The following NEDD4L variants were observed in gnomAD, a reference collection of about 807,000 sequenced individuals.
NEDD4L encodes NEDD4 like E3 ubiquitin protein ligase.
A neutral mutation model predicts 148.9 loss-of-function variants in NEDD4L; 54 were observed. The ratio of observed to expected loss-of-function variants is 0.36; its 90% CI spans 0.29 to 0.45. NEDD4L has a LOEUF of 0.45. Ranked by LOEUF, NEDD4L falls within the 20% of genes least tolerant of loss-of-function variation. The pLI is 1.00. For synonymous variants in NEDD4L, 433 were observed against 440.7 expected (o/e 0.98, Z 0.22); for missense variants, 856 against 1,233.8 (o/e 0.69, Z 4.59).
chr18:58,054,523 C>T (rs988444603), intron 1 of NEDD4L, among the ~76,000 whole-genome samples: 8 of 152,122 alleles, frequency 5.3e-5, no homozygotes, highest in Admixed American at 2.0e-4. Context: ...ATTTGAGCAC[C>T]GGGGTTCAGG....
intron 5 of NEDD4L, among the ~76,000 whole-genome samples, chr18:58,300,550 C>T (rs1465317916): frequency 6.6e-6 from 1 of 152,198 alleles, no homozygotes; most frequent in Non-Finnish European, 1.5e-5. Context: ...AGGAATAGAG[C>T]GAAAGACAGA....
rs189614224 is a variant in NEDD4L at position 58,334,010 on chromosome 18, T to C, written c.1065+118T>C. 31 of 594,304 alleles carry C rather than the reference T, an allele frequency of 5.2e-5. No homozygotes were observed. In the Admixed American group the frequency reaches 7.7e-4, roughly 15 times the overall value. The allele number at this position is 594,304 out of a possible 1,614,324, so 36.8% of individuals were successfully genotyped here. A position where few individuals can be genotyped will look rare whatever the true frequency, so the allele number is the denominator to read the frequency against. ...ATTTATTTACAATATAAATGAGATG[T>C]TTTTAAATTTCCTGGCCAATTGCCC... On this transcript the variant is annotated intron_variant, in intron 12 of 30. Coordinates refer to ENST00000400345, the MANE Select transcript of NEDD4L (RefSeq NM_001144967.3).
At chr18:58,172,122 G>A (rs377347785) in intron 2 of NEDD4L, among the ~76,000 whole-genome samples, 2 of 152,118 alleles carry the variant, frequency 1.3e-5, no homozygotes, top group South Asian at 2.1e-4. Context: ...CCAAGGACAC[G>A]AGTGATGGGT....
chr18:58,325,579 G>A (rs2059244227), intron 9 of NEDD4L, among the ~76,000 whole-genome samples: 1 of 152,064 alleles, frequency 6.6e-6, no homozygotes, highest in South Asian at 2.1e-4. Context: ...GTTTTTGGAT[G>A]TTTACTCTCT....
intron 1 of NEDD4L, among the ~76,000 whole-genome samples, chr18:58,150,525 C>T (rs76411858): frequency 3.4e-4 from 52 of 152,290 alleles, no homozygotes; most frequent in Non-Finnish European, 6.6e-4. Flanking sequence ...TGCACCCGGC[C>T]GTTTTTTGAT....
At chr18:58,151,625 A>ATGTGTGTGTGTGTGTGTGTGTG (rs113714456) in intron 1 of NEDD4L, among the ~76,000 whole-genome samples, 1,680 of 140,988 alleles carry the variant, frequency 0.012, 28 homozygotes, top group Middle Eastern at 0.039. Flanking sequence ...GTGCCTGGAT[A>ATGTGTGTGTGTGTGTGTGTGTG]TGTGTGTGTG....
intron 1 of NEDD4L, among the ~76,000 whole-genome samples, chr18:58,077,497 A>G (rs2083233066): frequency 6.6e-6 from 1 of 152,154 alleles, no homozygotes; most frequent in Non-Finnish European, 1.5e-5. Flanking sequence ...GTACAGTCCT[A>G]AACACTGAGT....
chr18:58,212,091 A>C (rs891259708), intron 2 of NEDD4L, among the ~76,000 whole-genome samples: 1 of 152,208 alleles, frequency 6.6e-6, no homozygotes, highest in African/African-American at 2.4e-5. Flanking sequence ...TTTGATACGC[A>C]CAAGCTATAA....
intron 1 of NEDD4L, among the ~76,000 whole-genome samples, chr18:58,052,547 T>C (rs918456068): frequency 6.6e-6 from 1 of 152,178 alleles, no homozygotes; most frequent in Non-Finnish European, 1.5e-5. Context: ...AATTCAGTGT[T>C]TGGTGACTTC....
chr18:58,374,505 C>G (rs1373406701), intron 24 of NEDD4L, among the ~76,000 whole-genome samples: 1 of 151,918 alleles, frequency 6.6e-6, no homozygotes, highest in Non-Finnish European at 1.5e-5. Flanking sequence ...TGCTTTATGC[C>G]TGAGAATCCT....
intron 27 of NEDD4L, 54 bp from the exon 28 acceptor site, chr18:58,389,031 G>A: frequency 1.4e-6 from 2 of 1,431,286 alleles, no homozygotes; most frequent in Non-Finnish European, 2.0e-6. Context: ...TTCTCAGTGT[G>A]TGATCTCGCA....
In NEDD4L at chr18:58,233,824, C is replaced by G. The variant is rs1281552423; in HGVS notation, c.123-11603C>G. ...AAGAGTCAGCAGGATTCTGCTGTCT[C>G]TGAGCCCTATGGGAATATCCTTTCT... is the stretch of plus-strand genomic sequence containing the variant. On this transcript the variant is annotated intron_variant, in intron 2 of 30. Coordinates refer to ENST00000400345, the MANE Select transcript of NEDD4L (RefSeq NM_001144967.3). 3.3e-5 allele frequency among the ~76,000 whole-genome samples: 5 copies of G among 152,204 alleles called. No homozygotes were observed. In the East Asian group the frequency reaches 9.6e-4, roughly 29 times the overall value.
chr18:58,210,107 G>A (rs1192328170), intron 2 of NEDD4L, among the ~76,000 whole-genome samples: 3 of 152,182 alleles, frequency 2.0e-5, no homozygotes, highest in Admixed American at 2.0e-4. Context: ...CAGAGGTTGC[G>A]GTGAGCCAAG....
At chr18:58,196,710 CTTTTTTTTTTTTTTT>C (rs544883000) in intron 2 of NEDD4L, among the ~76,000 whole-genome samples, 10 of 114,444 alleles carry the variant, frequency 8.7e-5, no homozygotes, top group Non-Finnish European at 1.5e-4. Context: ...CTCTCTCTCT[CTTTTTTTTTTTTTTT>C]TTTTTTTTTT....
At chr18:58,165,767 T>C in intron 1 of NEDD4L, 21 bp from the exon 2 acceptor site, 2 of 1,602,758 alleles carry the variant, frequency 1.2e-6, no homozygotes, top group South Asian at 1.1e-5. Context: ...TTAACCTCTT[T>C]TTTTGTTCTC....
chr18:58,300,142 A>G (rs1457042695), intron 5 of NEDD4L, among the ~76,000 whole-genome samples: 2 of 152,192 alleles, frequency 1.3e-5, no homozygotes, highest in African/African-American at 2.4e-5. Flanking sequence ...GTGTTTTACT[A>G]TGCTCTTTTG....
At chr18:58,341,259 T>C in intron 14 of NEDD4L, 90 bp downstream of exon 14, 1 of 1,410,588 alleles carries the variant, frequency 7.1e-7, no homozygotes, top group Admixed American at 2.4e-5. Flanking sequence ...TATGTATTGT[T>C]CTGAAAGACC....
chr18:58,288,372 G>T (rs1322153523), intron 5 of NEDD4L, among the ~76,000 whole-genome samples: 1 of 152,124 alleles, frequency 6.6e-6, no homozygotes, highest in Non-Finnish European at 1.5e-5. Flanking sequence ...AAAATTTCTT[G>T]TTGTAAAATA....
At chr18:58,348,845 T>C (rs763511255) in intron 16 of NEDD4L, among the ~76,000 whole-genome samples, 1 of 152,182 alleles carries the variant, frequency 6.6e-6, no homozygotes, top group East Asian at 1.9e-4. Context: ...CTTTTGTTGA[T>C]TCTCTGTGGT....
Sources: allele counts gnomAD v4.1 joint callset (sites outside exome capture counted in the v4.1 genomes callset), GRCh38; gene constraint gnomAD v4.1.1; transcripts MANE v1.5; gene names NCBI Gene and HGNC (gene_info 2026-07-23, HGNC 2026-07-21).